Variants in ANLN observed in about 807,000 individuals in gnomAD.
ANLN encodes anillin, actin binding protein.
ANLN carries 59 observed loss-of-function variants against 135.1 expected under a neutral mutation model. The observed-to-expected ratio is 0.44, with a 90% CI of 0.35 to 0.54. The LOEUF is 0.54. ANLN is among the 20% of genes least tolerant of loss of function. The pLI, the probability that ANLN is intolerant of heterozygous loss-of-function variation, is 0.00. For synonymous variants in ANLN, 406 were observed against 456.4 expected (o/e 0.89, Z 1.41); for missense variants, 1,182 against 1,340.0 (o/e 0.88, Z 1.84).
Position 36,443,708 on chromosome 7 carries a change from C to T in ANLN, c.2971-47C>T, listed in dbSNP as rs763733388. ...CAGAATCAGCATTTCATTGTTAGGA[C>T]ATTTTCCTCAACTTTCTAAAGCCAG... On this transcript the variant is annotated intron_variant, in intron 21 of 23. Coordinates refer to ENST00000265748, the MANE Select transcript of ANLN (RefSeq NM_018685.5). The T allele has an allele frequency of 9.4e-6, 12 of 1,273,364 alleles. No homozygotes were observed. In the Admixed American group the frequency reaches 2.1e-4, roughly 22 times the overall value. The allele number at this position is 1,273,364 out of a possible 1,614,324, so 78.9% of individuals were successfully genotyped here. A position where few individuals can be genotyped will look rare whatever the true frequency, so the allele number is the denominator to read the frequency against.
At chr7:36,403,943 G>A (rs1583600758) in intron 3 of ANLN, among the ~76,000 whole-genome samples, 1 of 152,216 alleles carries the variant, frequency 6.6e-6, no homozygotes, top group Admixed American at 6.5e-5. Context: ...TTACAGGCAT[G>A]AGCCCACCGC....
chr7:36,390,332 C>T, intron 1 of ANLN: 1 of 489,072 alleles, frequency 2.0e-6, no homozygotes, highest in East Asian at 3.4e-5. Context: ...TACCATGTCC[C>T]TCTGCAGTCC....
At chr7:36,431,561 TTGTGTGTG>T (rs1186662720) in intron 20 of ANLN, among the ~76,000 whole-genome samples, 7,151 of 75,946 alleles carry the variant, frequency 0.094, 431 homozygotes, top group Non-Finnish European at 0.12. Context: ...ATGTGTGTGT[TTGTGTGTG>T]TGTGTGTGTG....
chr7:36,441,930 G>A (rs1177905614), intron 21 of ANLN, among the ~76,000 whole-genome samples: 3 of 152,206 alleles, frequency 2.0e-5, no homozygotes, highest in South Asian at 4.1e-4. Context: ...GAAAAAGGCT[G>A]CTTTGGGAGG....
chr7:36,405,600 T>C (rs1787154400), intron 3 of ANLN, among the ~76,000 whole-genome samples: 1 of 152,220 alleles, frequency 6.6e-6, no homozygotes, highest in Non-Finnish European at 1.5e-5. Context: ...GGGATTTCTC[T>C]CCAAATGAAG....
chr7:36,427,716 G>A (rs1282557509), intron 20 of ANLN, among the ~76,000 whole-genome samples: 1 of 152,202 alleles, frequency 6.6e-6, no homozygotes, highest in Non-Finnish European at 1.5e-5. Context: ...TGACAAGACA[G>A]TGAAAGGTAG....
chr7:36,418,098 G>A (rs1232371666), intron 9 of ANLN, among the ~76,000 whole-genome samples: 1 of 152,190 alleles, frequency 6.6e-6, no homozygotes, highest in Admixed American at 6.5e-5. Flanking sequence ...TATTTTAAAG[G>A]ATATGGGTGA....
In ANLN at chr7:36,407,678, A is replaced by G. The variant is rs10227127; in HGVS notation, c.874-56A>G. On this transcript the variant is annotated intron_variant, in intron 4 of 23. Coordinates refer to ENST00000265748, the MANE Select transcript of ANLN (RefSeq NM_018685.5). ...AATAGGACTTGAATTGTTTTGTTAT[A>G]GGACTATTTTTAGATATTGTGAATG... 0.13 allele frequency: 172,089 copies of G among 1,284,908 alleles called. 12,209 individuals are homozygous for G. The highest frequency in any genetic ancestry group is 0.23 in the Admixed American group (12,852 of 56,954). 79.6% of individuals were successfully genotyped at this position (1,284,908 alleles called of 1,614,324 possible). A position where few individuals can be genotyped will look rare whatever the true frequency, so the allele number is the denominator to read the frequency against.
At chr7:36,445,382 A>G (rs1002680698) in intron 22 of ANLN, among the ~76,000 whole-genome samples, 2 of 151,996 alleles carry the variant, frequency 1.3e-5, no homozygotes, top group Non-Finnish European at 1.5e-5. Context: ...TATAAACAAT[A>G]TATGTTGCTG....
At chr7:36,429,739 A>G (rs1238828127) in intron 20 of ANLN, among the ~76,000 whole-genome samples, 3 of 152,174 alleles carry the variant, frequency 2.0e-5, no homozygotes, top group African/African-American at 7.2e-5. Context: ...GATTTCATTA[A>G]TCTCTAAAAT....
chr7:36,415,256 C>G (rs1787591570), intron 7 of ANLN, among the ~76,000 whole-genome samples: 1 of 152,130 alleles, frequency 6.6e-6, no homozygotes, highest in South Asian at 2.1e-4. Flanking sequence ...CTTGTTTTCT[C>G]TTGCTCTTAC....
At chr7:36,413,394 G>A (rs1287238449) in intron 7 of ANLN, among the ~76,000 whole-genome samples, 1 of 152,172 alleles carries the variant, frequency 6.6e-6, no homozygotes, top group African/African-American at 2.4e-5. Context: ...TCAATTTTCA[G>A]TTGATTAGTA....
chr7:36,413,553 A>T (rs1320198250), intron 7 of ANLN, among the ~76,000 whole-genome samples: 1 of 152,210 alleles, frequency 6.6e-6, no homozygotes, highest in African/African-American at 2.4e-5. Flanking sequence ...TTCCCAATAA[A>T]CCTGTGAAAT....
In ANLN at chr7:36,396,293, C is replaced by T. The variant is rs773713930; in HGVS notation, c.46C>T (p.Arg16Ter). ...EKLLERTRAR[R>*]ENLQRKMAER... ...ACTGCTGGAGCGAACCCGTGCCAGGCGAGAGAATCTTCAGAGAAAAATGGC... is the reference window on the plus strand; with the variant it reads ...ACTGCTGGAGCGAACCCGTGCCAGGTGAGAGAATCTTCAGAGAAAAATGGC... The change falls in exon 2 of 24, where the codon CGA (arginine) becomes TGA (stop). Residue 16 changes from arginine (R) to a stop codon, truncating the protein, a stop_gained. Transcript: ENST00000265748. LOFTEE classifies it high-confidence loss of function. 1.3e-5 allele frequency: 21 copies of T among 1,605,344 alleles called. 1 individual carries two copies. In the South Asian group the frequency reaches 1.4e-4, roughly 11 times the overall value.
chr7:36,400,721 C>A (rs1786911183), intron 3 of ANLN, among the ~76,000 whole-genome samples: 1 of 152,202 alleles, frequency 6.6e-6, no homozygotes, highest in Non-Finnish European at 1.5e-5. Flanking sequence ...TGCTTGCAGA[C>A]AGCTCAGTGG....
rs759939547 is a variant in ANLN, at chr7:36,396,408, C to G, written c.161C>G (p.Ser54Cys). Residue 54 changes from serine (S) to cysteine (C), a missense_variant, in exon 2 of 24, where the codon TCT becomes TGT. This residue lies in a region of ANLN where 1,022 missense variants were observed against 1,134.0 expected (regional missense o/e 0.90). Coordinates refer to ENST00000265748, the MANE Select transcript of ANLN (RefSeq NM_018685.5). Reference protein sequence around the residue: ...LSEASNQQPLSGGEEKSCTKP... With the variant: ...LSEASNQQPLCGGEEKSCTKP... ...GAAGCAAGTAACCAGCAGCCCCTCT[C>G]TGGTGGTGAAGGTAAAAGACTTTGT... The G allele has an allele frequency of 1.3e-6, 2 of 1,581,918 alleles. No individual in the cohort carries two copies. The highest frequency in any genetic ancestry group is 3.5e-5 in the Admixed American group (2 of 57,592).
chr7:36,450,770 G>A (rs1457072817), intron 23 of ANLN, among the ~76,000 whole-genome samples: 2 of 152,188 alleles, frequency 1.3e-5, no homozygotes, highest in Non-Finnish European at 2.9e-5. Flanking sequence ...TGATAGCGAC[G>A]TGTCCATGGT....
At chr7:36,436,515 T>C (rs879557404) in intron 20 of ANLN, among the ~76,000 whole-genome samples, 2 of 152,246 alleles carry the variant, frequency 1.3e-5, no homozygotes, top group African/African-American at 2.4e-5. Context: ...GATCATGTGA[T>C]AATTATTTTT....
intron 10 of ANLN, 61 bp downstream of exon 10, chr7:36,419,540 C>T (rs1583623453): frequency 1.4e-6 from 2 of 1,395,444 alleles, no homozygotes; most frequent in Non-Finnish European, 2.0e-6. Flanking sequence ...ATTCGTATCT[C>T]CCCTTTCTTT....
Sources: gnomAD v4.1 joint callset for allele counts (sites outside exome capture counted in the v4.1 genomes callset) on GRCh38, gnomAD v4.1.1 for gene constraint, gnomAD v4.1.1 regional missense constraint, MANE v1.5 for transcripts, NCBI Gene and HGNC (gene_info 2026-07-23, HGNC 2026-07-21) for gene names.